Variants in PKP2 observed in about 807,000 individuals in gnomAD.
The protein encoded by PKP2 is plakophilin-2.
PKP2 carries 73 observed loss-of-function variants against 83.4 expected under a neutral mutation model. That is an observed-to-expected ratio of 0.88 (90% CI 0.72 to 1.06). PKP2 has a LOEUF of 1.06. Ranked by LOEUF, PKP2 falls within the 50% of genes least tolerant of loss-of-function variation. The pLI, the probability that PKP2 is intolerant of heterozygous loss-of-function variation, is 0.00. For missense variants in PKP2, 966 were observed against 1,065.4 expected, an observed-to-expected ratio of 0.91 and a Z score of 1.30; for synonymous variants, 409 against 430.4, an observed-to-expected ratio of 0.95 and a Z score of 0.62.
At chr12:32,834,539 C>T (rs1232927170) in intron 6 of PKP2, among the ~76,000 whole-genome samples, 1 of 152,144 alleles carries the variant, frequency 6.6e-6, no homozygotes, top group Non-Finnish European at 1.5e-5. Flanking sequence ...ACTCTCACTG[C>T]TCTTGGGGCA....
At chr12:32,864,488 C>T (rs764009689) in intron 4 of PKP2, among the ~76,000 whole-genome samples, 1 of 151,764 alleles carries the variant, frequency 6.6e-6, no homozygotes, top group Admixed American at 6.6e-5. Flanking sequence ...ACATGAAAGA[C>T]CTCTACAGTA....
chr12:32,883,498 A>G (rs970446332), intron 1 of PKP2, among the ~76,000 whole-genome samples: 2 of 152,218 alleles, frequency 1.3e-5, no homozygotes, highest in African/African-American at 4.8e-5. Context: ...TTGAACATAT[A>G]AAATAACTCA....
intron 7 of PKP2, among the ~76,000 whole-genome samples, chr12:32,823,422 C>CAAAA (rs34680115): frequency 8.3e-5 from 7 of 84,176 alleles, no homozygotes; most frequent in East Asian, 6.7e-4. Flanking sequence ...ACTCTGCCTC[C>CAAAA]AAAAAAAAAA....
intron 5 of PKP2, among the ~76,000 whole-genome samples, chr12:32,844,942 T>A (rs1592748196): frequency 6.6e-6 from 1 of 152,234 alleles, no homozygotes; most frequent in Non-Finnish European, 1.5e-5. Flanking sequence ...GATTCTGGAT[T>A]ACCTAATATA....
chr12:32,825,262 G>A (rs561119160), intron 6 of PKP2, among the ~76,000 whole-genome samples: 3 of 146,708 alleles, frequency 2.0e-5, no homozygotes, highest in South Asian at 2.2e-4. Flanking sequence ...TCCACCTCCC[G>A]GGTTCAAGCG....
In PKP2 at chr12:32,896,223, C is replaced by T. The variant is rs78143613; in HGVS notation, c.223+286G>A. On this transcript the variant is annotated intron_variant, in intron 1 of 12. Transcript: ENST00000340811. ...AGTCCGCACCAGTGAGGGGCGCGGACCGGCGGAGTAGAAAAAGAAAGGGGT... is the reference window on the plus strand; with the variant it reads ...AGTCCGCACCAGTGAGGGGCGCGGATCGGCGGAGTAGAAAAAGAAAGGGGT... Among the ~76,000 whole-genome samples the T allele has an allele frequency of 0.056, 8,446 of 152,156 alleles. 335 individuals carry two copies. Among genetic ancestry groups the T allele is most frequent in the Middle Eastern group, 0.1 (30 of 294 alleles).
In PKP2 at chr12:32,829,116, C is replaced by CA. The variant is rs979139459; in HGVS notation, c.1557-4955dup. Among the ~76,000 whole-genome samples the CA allele has an allele frequency of 1.8e-3, 279 of 152,140 alleles. 1 individual carries two copies. The highest frequency in any genetic ancestry group is 6.5e-3 in the African/African-American group (268 of 41,518). On this transcript the variant is annotated intron_variant, in intron 6 of 12. Coordinates refer to ENST00000340811, the MANE Select transcript of PKP2 (RefSeq NM_001005242.3). The stretch of plus-strand genomic sequence containing the variant: ...GAGCCCAGCTAATTTATTTTTTGTA[C>CA]AGACAGAGTCTATGTTGCCCAGGCT...
chr12:32,864,911 C>T (rs1054900938), intron 4 of PKP2, among the ~76,000 whole-genome samples: 4 of 152,140 alleles, frequency 2.6e-5, no homozygotes, highest in Non-Finnish European at 2.9e-5. Context: ...AAGTTGGCCC[C>T]TTTCTGGGTG....
intron 5 of PKP2, among the ~76,000 whole-genome samples, chr12:32,845,367 T>C (rs1329842621): frequency 1.3e-5 from 2 of 151,948 alleles, no homozygotes; most frequent in East Asian, 1.9e-4. Flanking sequence ...CTGGCTAACA[T>C]GGTAAAACTC....
chr12:32,812,081 A>C (rs997094290), intron 9 of PKP2, among the ~76,000 whole-genome samples: 1 of 150,356 alleles, frequency 6.7e-6, no homozygotes, highest in South Asian at 2.1e-4. Context: ...TATGTGGAAA[A>C]GATATATGGC....
rs1565599588 is a variant in PKP2, at chr12:32,878,507, T to C, written c.373A>G (p.Arg125Gly). The change falls in exon 3 of 13, where the codon AGA (arginine) becomes GGA (glycine). Residue 125 changes from arginine to glycine, a missense_variant. Physicochemically the swap from Arg to Gly is moderately radical, Grantham distance 125. Transcript: ENST00000340811. ...TGGGAGCTGTACTGTGCTGTTCCTC[T>C]TCCCCAGCGACCTTCATAAGTGGCA... ...TTATYEGRWGRGTAQYSSQKS... is the reference protein window; with the variant it reads ...TTATYEGRWGGGTAQYSSQKS... 2 of 1,612,676 alleles carry C rather than the reference T, an allele frequency of 1.2e-6. No homozygotes were observed. Among genetic ancestry groups the C allele is most frequent in the Non-Finnish European group, 1.7e-6 (2 of 1,179,296 alleles).
intron 4 of PKP2, among the ~76,000 whole-genome samples, chr12:32,857,865 A>C (rs774450417): frequency 9.3e-4 from 140 of 151,154 alleles, no homozygotes; most frequent in Non-Finnish European, 1.8e-3. Flanking sequence ...CAACTTGGGA[A>C]ACAGAATAAA....
chr12:32,796,556 T>A (rs991083911), intron 10 of PKP2, among the ~76,000 whole-genome samples: 9 of 151,918 alleles, frequency 5.9e-5, no homozygotes, highest in African/African-American at 7.3e-5. Flanking sequence ...CTAATTTTTT[T>A]ATTTTTTTAT....
intron 5 of PKP2, among the ~76,000 whole-genome samples, chr12:32,850,047 G>T (rs1956682310): frequency 6.6e-6 from 1 of 152,138 alleles, no homozygotes; most frequent in South Asian, 2.1e-4. Flanking sequence ...TAGAAAGAAA[G>T]AAACCAAAAT....
intron 10 of PKP2, among the ~76,000 whole-genome samples, chr12:32,799,115 A>G (rs1172318768): frequency 6.6e-6 from 1 of 152,224 alleles, no homozygotes; most frequent in Non-Finnish European, 1.5e-5. Flanking sequence ...ATGAATAGAC[A>G]ATTCTCAAAA....
At chr12:32,859,962 T>C (rs73303658) in intron 4 of PKP2, among the ~76,000 whole-genome samples, 3,561 of 152,258 alleles carry the variant, frequency 0.023, 123 homozygotes, top group African/African-American at 0.081. Context: ...GGAGGACTTA[T>C]TGGGGAGTTA....
At chr12:32,806,653 AC>A (rs1258958441) in intron 9 of PKP2, among the ~76,000 whole-genome samples, 2 of 142,360 alleles carry the variant, frequency 1.4e-5, no homozygotes, top group Non-Finnish European at 3.0e-5. Flanking sequence ...TTTCAAAAAA[AC>A]AGCTCCTGAA....
intron 5 of PKP2, among the ~76,000 whole-genome samples, chr12:32,843,935 GTC>G (rs1361824183): frequency 6.6e-6 from 1 of 152,174 alleles, no homozygotes; most frequent in Non-Finnish European, 1.5e-5. Flanking sequence ...CAAATTAATA[GTC>G]TCTGCCTGCC....
chr12:32,819,313 C>CAATACAATAA (rs1411681921), intron 9 of PKP2, among the ~76,000 whole-genome samples: 38 of 146,468 alleles, frequency 2.6e-4, no homozygotes, highest in Non-Finnish European at 4.2e-4. Flanking sequence ...CAATACAATA[C>CAATACAATAA]AATAAAATAA....
Sources: gnomAD v4.1 joint callset for allele counts (sites outside exome capture counted in the v4.1 genomes callset) on GRCh38, gnomAD v4.1.1 for gene constraint, MANE v1.5 for transcripts, NCBI Gene and HGNC (gene_info 2026-07-23, HGNC 2026-07-21) for gene names.